The following DHX35 variants were observed in gnomAD, a reference collection of about 807,000 sequenced individuals.
DHX35 encodes DEAH-box helicase 35, also known as probable ATP-dependent RNA helicase DHX35.
Under a neutral mutation model 99.6 loss-of-function variants are expected in DHX35, and 84 were observed. The observed-to-expected ratio is 0.84, with a 90% confidence interval of 0.71 to 1.01. The LOEUF is 1.01. Among genes scored for constraint, DHX35 ranks in the 50% least tolerant of loss-of-function variants. The pLI is 0.00. For synonymous variants in DHX35, 331 were observed against 316.2 expected (o/e 1.05, Z -0.50); for missense variants, 852 against 888.5 (o/e 0.96, Z 0.52).
At chr20:38,981,654 G>T (rs574843824) in intron 3 of DHX35, among the ~76,000 whole-genome samples, 1 of 152,150 alleles carries the variant, frequency 6.6e-6, no homozygotes, top group East Asian at 1.9e-4. Context: ...TAGAAATCAT[G>T]ATCTGGGGCC....
rs139262987 is a variant in DHX35, at chr20:39,038,701, C to T, written c.*158C>T. On this transcript the variant is annotated 3_prime_UTR_variant, in exon 22 of 22. Coordinates refer to ENST00000252011, the MANE Select transcript of DHX35 (RefSeq NM_021931.4). ...GTTCATTAGTCCTTTCTTCCCGCTGCCCACAGCATTTGCATCCTTGCTGGG... is the reference window on the plus strand; with the variant it reads ...GTTCATTAGTCCTTTCTTCCCGCTGTCCACAGCATTTGCATCCTTGCTGGG... 2,425 of 689,048 alleles carry T rather than the reference C, an allele frequency of 3.5e-3. 9 individuals carry two copies. Among genetic ancestry groups the T allele is most frequent in the Non-Finnish European group, 3.6e-3 (1,472 of 411,692 alleles). 42.7% of individuals were successfully genotyped at this position (689,048 alleles called of 1,614,324 possible).
At chr20:38,996,549 C>G (rs1446547666) in intron 8 of DHX35, among the ~76,000 whole-genome samples, 1 of 152,146 alleles carries the variant, frequency 6.6e-6, no homozygotes, top group Non-Finnish European at 1.5e-5. Flanking sequence ...AAAGATCATT[C>G]TGAGTGCTGT....
Position 39,010,393 on chromosome 20 carries a change from C to T in DHX35, c.1336C>T (p.His446Tyr). The change falls in exon 13 of 22, where the codon CAC (histidine) becomes TAC (tyrosine). Residue 446 changes from histidine to tyrosine, a missense_variant. Coordinates refer to ENST00000252011, the MANE Select transcript of DHX35 (RefSeq NM_021931.4). Reference protein sequence around the residue: ...ALGIDNVLRFHFMSPPPAQSM... With the variant: ...ALGIDNVLRFYFMSPPPAQSM... Reference sequence around the variant, plus strand: ...AGGAATTGACAATGTCCTCAGGTTCCACTTCATGTCGGTAAGTCCTGCCTG... The same window carrying T: ...AGGAATTGACAATGTCCTCAGGTTCTACTTCATGTCGGTAAGTCCTGCCTG... 1 of 1,614,084 alleles carries T rather than the reference C, an allele frequency of 6.2e-7. No individual in the cohort carries two copies. Among genetic ancestry groups the T allele is most frequent in the Non-Finnish European group, 8.5e-7 (1 of 1,179,998 alleles).
At chr20:38,988,980 A>G in intron 5 of DHX35, 63 bp downstream of exon 5, 1 of 1,585,024 alleles carries the variant, frequency 6.3e-7, no homozygotes, top group Non-Finnish European at 8.6e-7. Flanking sequence ...GGGAGAATTA[A>G]AAACATGTAG....
chr20:39,002,234 A>C (rs2086532477), intron 9 of DHX35, among the ~76,000 whole-genome samples: 1 of 152,224 alleles, frequency 6.6e-6, no homozygotes, highest in Non-Finnish European at 1.5e-5. Flanking sequence ...TGGCATTTTT[A>C]GGAGTAGCCT....
At position 39,030,692 on chromosome 20, in the gene DHX35, C is replaced by T. The variant is rs769362212; in HGVS notation, c.1884-12C>T. 2 of 1,613,528 alleles carry T rather than the reference C, an allele frequency of 1.2e-6. No homozygotes were observed. The highest frequency in any genetic ancestry group is 8.5e-7 in the Non-Finnish European group (1 of 1,179,788). On this transcript the variant is annotated splice_polypyrimidine_tract_variant and intron_variant, in intron 19 of 21. Transcript: ENST00000252011. ...AAAATGTGCTTCAGACAAAATTCTT[C>T]TATGTTCCAAGGACCATCCGTGATG... is the stretch of plus-strand genomic sequence containing the variant.
In DHX35 at chr20:38,983,714, G is replaced by A. The variant is rs140189570; in HGVS notation, c.283G>A (p.Gly95Ser). Residue 95 changes from glycine to serine, a missense_variant, in exon 4 of 22, where the codon GGC becomes AGC. Gly to Ser is a moderately conservative substitution (Grantham distance 56). Transcript: ENST00000252011. The part of the protein sequence containing the change: ...TQIPQYLAEA[G>S]WTAEGRVVGV... ...TTGTTTGTAGTACCTTGCAGAAGCC[G>A]GCTGGACAGCTGAAGGAAGAGTGGT... 32 of 1,614,076 alleles carry A rather than the reference G, an allele frequency of 2.0e-5. No individual in the cohort carries two copies. The highest frequency in any genetic ancestry group is 1.8e-4 in the East Asian group (8 of 44,888).
chr20:38,975,925 A>G (rs935181295), intron 3 of DHX35, among the ~76,000 whole-genome samples: 2 of 152,210 alleles, frequency 1.3e-5, no homozygotes, highest in African/African-American at 4.8e-5. Flanking sequence ...GACAGTGTAT[A>G]TAATCCTCCC....
chr20:38,986,541 C>T (rs1248950420), intron 4 of DHX35, among the ~76,000 whole-genome samples: 1 of 151,906 alleles, frequency 6.6e-6, no homozygotes. Flanking sequence ...GTGGGTACAT[C>T]GTAGGTGTAT....
At chr20:39,021,986 G>A in intron 16 of DHX35, 51 bp downstream of exon 16, 1 of 1,579,906 alleles carries the variant, frequency 6.3e-7, no homozygotes. Context: ...TTTGCTTTGA[G>A]CTTTCGTTGT....
intron 5 of DHX35, among the ~76,000 whole-genome samples, chr20:38,989,820 A>G (rs1460238294): frequency 1.3e-5 from 2 of 152,178 alleles, no homozygotes; most frequent in Non-Finnish European, 1.5e-5. Context: ...TGTATAATCA[A>G]CTCAACAGGG....
chr20:39,031,675 A>C (rs2087056313), intron 20 of DHX35, among the ~76,000 whole-genome samples: 1 of 152,198 alleles, frequency 6.6e-6, no homozygotes, highest in Admixed American at 6.5e-5. Context: ...ACACAGAGTC[A>C]ACTACCTTAG....
At chr20:38,980,511 GTTTTT>G (rs397953645) in intron 3 of DHX35, among the ~76,000 whole-genome samples, 1 of 136,994 alleles carries the variant, frequency 7.3e-6, no homozygotes, top group African/African-American at 2.7e-5. Context: ...TTATAGTTCT[GTTTTT>G]TTTTTTTTTG....
Position 38,969,075 on chromosome 20 carries a change from CT to C in DHX35, c.41-5del. ...AGAATCTGAAAAAAAAACATTTCTG[CT>C]GCAGGTACAGAGGGGCCAGGTGTAA... On this transcript the variant is annotated splice_polypyrimidine_tract_variant and splice_region_variant and intron_variant, in intron 1 of 21. Transcript: ENST00000252011. The C allele has an allele frequency of 6.3e-7, 1 of 1,584,540 alleles. No individual in the cohort carries two copies. Among genetic ancestry groups the C allele is most frequent in the Non-Finnish European group, 8.6e-7 (1 of 1,167,288 alleles).
rs2086909998 is a variant in DHX35 at position 39,023,810 on chromosome 20, C to T, written c.1671+43C>T. 5 of 1,519,812 alleles carry T rather than the reference C, an allele frequency of 3.3e-6. No individual in the cohort carries two copies. The Admixed American group carries it at 6.7e-5, about 20-fold the overall frequency. The allele number at this position is 1,519,812 out of a possible 1,614,324, so 94.1% of individuals were successfully genotyped here. A position where few individuals can be genotyped will look rare whatever the true frequency, so the allele number is the denominator to read the frequency against. On this transcript the variant is annotated intron_variant, in intron 17 of 21. Transcript: ENST00000252011. ...TCGAAGTGCCGCCTCAACACACCAC[C>T]CTCTGGAGGTGATCTAGGAGGGAGG... is the stretch of plus-strand genomic sequence containing the variant.
chr20:38,984,034 C>T (rs185056616), intron 4 of DHX35, among the ~76,000 whole-genome samples: 9 of 152,232 alleles, frequency 5.9e-5, no homozygotes, highest in Middle Eastern at 3.4e-3. Context: ...CTCAGCCTCC[C>T]GAGTAGCTGG....
chr20:38,989,097 C>CTTTT (rs375064892), intron 5 of DHX35, among the ~76,000 whole-genome samples, 180 bp downstream of exon 5: 5 of 125,326 alleles, frequency 4.0e-5, no homozygotes, highest in African/African-American at 6.0e-5. Context: ...TTCCTTTTTT[C>CTTTT]TTTTTTTTTT....
intron 5 of DHX35, among the ~76,000 whole-genome samples, chr20:38,989,537 A>G (rs2086305336): frequency 6.6e-6 from 1 of 152,084 alleles, no homozygotes; most frequent in African/African-American, 2.4e-5. Context: ...CTTGCCTGAT[A>G]TTATATGCCA....
chr20:38,998,278 T>C (rs2086462069), intron 8 of DHX35, among the ~76,000 whole-genome samples: 2 of 152,256 alleles, frequency 1.3e-5, no homozygotes, highest in African/African-American at 4.8e-5. Flanking sequence ...TTGTCATAAG[T>C]CCAGCTACTT....
Sources: gnomAD v4.1 joint callset for allele counts (sites outside exome capture counted in the v4.1 genomes callset) on GRCh38, gnomAD v4.1.1 for gene constraint, MANE v1.5 for transcripts, NCBI Gene and HGNC (gene_info 2026-07-23, HGNC 2026-07-21) for gene names.